The following ADGRV1 variants were observed in gnomAD, a reference collection of about 807,000 sequenced individuals.
ADGRV1 encodes the protein adhesion G protein-coupled receptor V1, also known as G-protein coupled receptor 98.
In ADGRV1, 359 loss-of-function variants were observed where a neutral mutation model predicts 596.2. The observed-to-expected ratio is 0.60, with a 90% CI of 0.55 to 0.66. ADGRV1 has a LOEUF of 0.66. Among genes scored for constraint, ADGRV1 ranks in the 30% least tolerant of loss-of-function variants. ADGRV1 has a pLI of 0.00. For missense variants in ADGRV1, 7,274 were observed against 7,575.6 expected, an observed-to-expected ratio of 0.96 and a Z score of 1.48; for synonymous variants, 2,681 against 2,679.2, an observed-to-expected ratio of 1.00 and a Z score of -0.02.
At chr5:90,924,301 T>A (rs1774191908) in intron 83 of ADGRV1, among the ~76,000 whole-genome samples, 1 of 150,790 alleles carries the variant, frequency 6.6e-6, no homozygotes, top group African/African-American at 2.4e-5. Context: ...TGTTGTTTCC[T>A]GACTTTTTAA....
chr5:91,025,586 C>T (rs1783958867), intron 85 of ADGRV1, among the ~76,000 whole-genome samples: 1 of 152,168 alleles, frequency 6.6e-6, no homozygotes, highest in South Asian at 2.1e-4. Context: ...TTCAGCTGAT[C>T]TCCCAAGAGA....
rs1363740961 is a variant in ADGRV1, at chr5:90,783,850, G to A, written c.13446G>A (p.Glu4482=). ...IIDDNESEFE[E]PIEILLTGAT... ...TCTTGCCATGCAGTGAATTTGAGGA[G>A]CCCATTGAAATTCTACTCACTGGAG... The change falls in exon 67 of 90, where the codon GAG becomes GAA. Residue 4482 remains glutamate, a synonymous_variant. Transcript: ENST00000405460. 1 of 1,605,480 alleles carries A rather than the reference G, an allele frequency of 6.2e-7. No homozygotes were observed. Among genetic ancestry groups the A allele is most frequent in the South Asian group, 1.1e-5 (1 of 89,040 alleles).
chr5:90,848,552 G>A, intron 78 of ADGRV1, 85 bp from the exon 79 acceptor site: 3 of 603,474 alleles, frequency 5.0e-6, no homozygotes, highest in Non-Finnish European at 7.4e-6. Context: ...CTATTAATAA[G>A]GAACACACAC....
Position 90,805,415 on chromosome 5 carries a change from A to G in ADGRV1, c.14793A>G (p.Glu4931=). 6.3e-7 allele frequency: 1 copy of G among 1,598,246 alleles called. No individual in the cohort carries two copies. Among genetic ancestry groups the G allele is most frequent in the South Asian group, 1.1e-5 (1 of 89,930 alleles). Reference sequence around the variant, plus strand: ...CCACTGGATATGCTCCTGGGTTAGAAATTCCTGAATTCATTGTTGTTGGCA... The same window carrying G: ...CCACTGGATATGCTCCTGGGTTAGAGATTCCTGAATTCATTGTTGTTGGCA... ...AWTTGYAPGL[E]IPEFIVVGNM... The change falls in exon 72 of 90, where the codon GAA becomes GAG. Residue 4931 remains glutamate, a synonymous_variant. Coordinates refer to ENST00000405460, the MANE Select transcript of ADGRV1 (RefSeq NM_032119.4).
Position 90,643,877 on chromosome 5 carries a change from C to T in ADGRV1, c.2628C>T (p.Val876=), listed in dbSNP as rs1396456142. Residue 876 remains valine, a synonymous_variant, in exon 14 of 90, where the codon GTC becomes GTT. Coordinates refer to ENST00000405460, the MANE Select transcript of ADGRV1 (RefSeq NM_032119.4). ...RESKLGSATI[V]NITILKNDDP... is the part of the protein sequence containing the mutation. ...GCAAGTTGGGAAGTGCCACCATTGTCAATATAACGATTCTGAAAAATGATG... is the reference window on the plus strand; with the variant it reads ...GCAAGTTGGGAAGTGCCACCATTGTTAATATAACGATTCTGAAAAATGATG... 1 of 1,611,334 alleles carries T rather than the reference C, an allele frequency of 6.2e-7. No individual in the cohort carries two copies. The highest frequency in any genetic ancestry group is 1.1e-5 in the South Asian group (1 of 90,644).
chr5:91,030,215 A>G (rs1345589666), intron 85 of ADGRV1, among the ~76,000 whole-genome samples: 1 of 152,154 alleles, frequency 6.6e-6, no homozygotes, highest in African/African-American at 2.4e-5. Flanking sequence ...TTCAAATATT[A>G]AAGTCTTTGA....
At chr5:90,660,497 C>T (rs1272328507) in intron 21 of ADGRV1, among the ~76,000 whole-genome samples, 1 of 151,738 alleles carries the variant, frequency 6.6e-6, no homozygotes, top group Non-Finnish European at 1.5e-5. Flanking sequence ...GATTCTTCTC[C>T]ATTATGTTGT....
intron 85 of ADGRV1, among the ~76,000 whole-genome samples, chr5:91,063,558 C>A (rs1581941656): frequency 6.6e-6 from 1 of 151,968 alleles, no homozygotes; most frequent in South Asian, 2.1e-4. Context: ...GAACAGTTGG[C>A]GGAAGATTCA....
At chr5:90,776,674 T>G (rs549307320) in intron 61 of ADGRV1, 98 bp downstream of exon 61, 108 of 1,310,240 alleles carry the variant, frequency 8.2e-5, no homozygotes, top group Middle Eastern at 3.7e-4. Context: ...ATACATAGTC[T>G]TCAAGCATTA....
chr5:91,093,843 A>G (rs917561800), intron 86 of ADGRV1, among the ~76,000 whole-genome samples: 1 of 149,172 alleles, frequency 6.7e-6, no homozygotes, highest in Non-Finnish European at 1.5e-5. Context: ...ACGTGTATAC[A>G]TACGTAAGTT....
intron 70 of ADGRV1, among the ~76,000 whole-genome samples, chr5:90,801,974 T>G (rs1581169734): frequency 2.0e-5 from 3 of 152,224 alleles, no homozygotes; most frequent in African/African-American, 7.2e-5. Context: ...ATTATTCATT[T>G]TGAGTAAATA....
At chr5:90,724,559 G>T (rs1240216882) in intron 45 of ADGRV1, among the ~76,000 whole-genome samples, 1 of 151,968 alleles carries the variant, frequency 6.6e-6, no homozygotes, top group East Asian at 1.9e-4. Context: ...AATACACCTT[G>T]GAAAAGTATG....
chr5:90,758,078 A>G (rs114344534), intron 57 of ADGRV1, among the ~76,000 whole-genome samples: 6,746 of 152,208 alleles, frequency 0.044, 498 homozygotes, highest in African/African-American at 0.15. Context: ...GTGGAATGCA[A>G]TCCCAGCACT....
rs1326674504 is a variant in ADGRV1 at position 90,653,498 on chromosome 5, C to T, written c.3924C>T (p.Phe1308=). The T allele has an allele frequency of 6.2e-7, 1 of 1,613,750 alleles. No homozygotes were observed. The highest frequency in any genetic ancestry group is 1.1e-5 in the South Asian group (1 of 91,070). ...TAGATTTTTTACTGGTTGGAATTTT[C>T]CCCACCACCGTGCATTTACAACAGC... ...PMIDFLLVGI[F]PTTVHLQQHM... is the part of the protein sequence containing the mutation. The change falls in exon 20 of 90, where the codon TTC becomes TTT. Residue 1308 remains phenylalanine, a synonymous_variant. Transcript: ENST00000405460.
chr5:90,760,275 CAAAAAA>C (rs5869517), intron 58 of ADGRV1, among the ~76,000 whole-genome samples: 1 of 77,578 alleles, frequency 1.3e-5, no homozygotes. Context: ...GACTTCGTCT[CAAAAAA>C]AAAAAAAAAA....
intron 83 of ADGRV1, among the ~76,000 whole-genome samples, chr5:90,865,982 A>G (rs974102832): frequency 3.3e-5 from 5 of 152,154 alleles, no homozygotes; most frequent in African/African-American, 1.2e-4. Context: ...AACTCTAGAG[A>G]AGTCTTAAAA....
chr5:90,819,674 T>C (rs1288962613), intron 75 of ADGRV1, among the ~76,000 whole-genome samples: 12 of 151,410 alleles, frequency 7.9e-5, no homozygotes, highest in Admixed American at 3.3e-4. Context: ...TCGTTATGTA[T>C]CCAGTAGTCA....
chr5:90,919,270 T>C lies in ADGRV1; in HGVS notation c.17857-46145T>C, dbSNP rs554462893. Among the ~76,000 whole-genome samples, 6 of 152,306 alleles carry C rather than the reference T, an allele frequency of 3.9e-5. No homozygotes were observed. The East Asian group carries it at 1.2e-3, about 29-fold the overall frequency. ...CATATATACTTCTCAGCAGCATCTA[T>C]ATATTCCCAAACAATGGATGAAAGA... On this transcript the variant is annotated intron_variant, in intron 83 of 89. Coordinates refer to ENST00000405460, the MANE Select transcript of ADGRV1 (RefSeq NM_032119.4).
Position 90,705,514 on chromosome 5 carries a change from T to C in ADGRV1, c.8501T>C (p.Phe2834Ser). The change falls in exon 37 of 90, where the codon TTT becomes TCT. Residue 2834 changes from phenylalanine to serine, a missense_variant. Phe to Ser is a radical substitution (Grantham distance 155). This residue lies in a region of ADGRV1 where 3,643 missense variants were observed against 3,809.2 expected (regional missense o/e 0.96). Coordinates refer to ENST00000405460, the MANE Select transcript of ADGRV1 (RefSeq NM_032119.4). ...GVLNFALSSRFVLLQEANITI... is the reference protein window; with the variant it reads ...GVLNFALSSRSVLLQEANITI... ...TTAAATTTTGCTCTTTCATCAAGAT[T>C]TGTGTTACTACAAGAGGCTAACATA... 6.2e-7 allele frequency: 1 copy of C among 1,613,894 alleles called. No individual in the cohort carries two copies. Among genetic ancestry groups the C allele is most frequent in the Non-Finnish European group, 8.5e-7 (1 of 1,179,816 alleles).
Sources: allele counts gnomAD v4.1 joint callset (sites outside exome capture counted in the v4.1 genomes callset), GRCh38; gene constraint gnomAD v4.1.1; regional missense constraint gnomAD v4.1.1; transcripts MANE v1.5; gene names NCBI Gene and HGNC (gene_info 2026-07-23, HGNC 2026-07-21).